NTM: variants seen among roughly 807,000 people sequenced by gnomAD.
The protein encoded by NTM is neurotrimin, also known as IgLON family member 2.
In NTM, 13 loss-of-function variants were observed where a neutral mutation model predicts 42.1. The ratio of observed to expected loss-of-function variants is 0.31; its 90% CI spans 0.20 to 0.49. The LOEUF (loss-of-function observed/expected upper bound fraction) is 0.49, where lower values mean the gene tolerates loss of function less well. NTM is among the 20% of genes least tolerant of loss of function. NTM has a pLI of 0.99. For missense variants in NTM, 373 were observed against 452.8 expected, an observed-to-expected ratio of 0.82 and a Z score of 1.60; for synonymous variants, 187 against 179.2, an observed-to-expected ratio of 1.04 and a Z score of -0.35.
At chr11:131,821,575 T>C (rs957362013) in intron 1 of NTM, among the ~76,000 whole-genome samples, 1 of 152,254 alleles carries the variant, frequency 6.6e-6, no homozygotes, top group Non-Finnish European at 1.5e-5. Context: ...TGATTGTACA[T>C]ACCTTTCAGA....
In NTM at chr11:131,685,182, A is replaced by G. The variant is rs541628149; in HGVS notation, c.83-226382A>G. Among the ~76,000 whole-genome samples, 847 of 152,370 alleles carry G rather than the reference A, an allele frequency of 5.6e-3. 10 individuals carry two copies. Among genetic ancestry groups the G allele is most frequent in the African/African-American group, 0.019 (792 of 41,598 alleles). On this transcript the variant is annotated intron_variant, in intron 1 of 8. Transcript: ENST00000683400. ...CCCTTTGAGATCCTTGCAGAAGCCC[A>G]GCAGTTGGGCCCTTGACAAGAACAA...
chr11:131,539,714 T>C (rs1391433499), intron 1 of NTM: 3 of 152,452 alleles, frequency 2.0e-5, no homozygotes, highest in Non-Finnish European at 4.4e-5. Context: ...AGAGACCCTG[T>C]GGAATGAATA....
intron 4 of NTM, among the ~76,000 whole-genome samples, chr11:132,246,323 A>C (rs1044956889): frequency 2.0e-5 from 3 of 152,172 alleles, no homozygotes; most frequent in African/African-American, 7.2e-5. Flanking sequence ...AGTGAAAGTC[A>C]AACAGTTCGT....
At chr11:131,955,765 C>G (rs1199839745) in intron 2 of NTM, among the ~76,000 whole-genome samples, 1 of 151,910 alleles carries the variant, frequency 6.6e-6, no homozygotes, top group Admixed American at 6.6e-5. Flanking sequence ...CCAGTGCCCC[C>G]ACCAGGGACT....
At chr11:132,114,028 G>A (rs1289106568) in intron 2 of NTM, among the ~76,000 whole-genome samples, 1 of 151,836 alleles carries the variant, frequency 6.6e-6, no homozygotes, top group Non-Finnish European at 1.5e-5. Context: ...TTTTCATATT[G>A]TACAGTTGAA....
chr11:132,194,677 A>G (rs910206243), intron 3 of NTM, among the ~76,000 whole-genome samples: 5 of 152,060 alleles, frequency 3.3e-5, no homozygotes, highest in Non-Finnish European at 5.9e-5. Context: ...AAGTCAAACT[A>G]TCTCTCTTCA....
chr11:131,908,875 TACAA>T (rs771026615), intron 1 of NTM, among the ~76,000 whole-genome samples: 23 of 152,334 alleles, frequency 1.5e-4, no homozygotes, highest in African/African-American at 3.1e-4. Flanking sequence ...CTTTCAAAAA[TACAA>T]ACAAAGATCT....
intron 1 of NTM, among the ~76,000 whole-genome samples, chr11:131,630,832 G>T (rs1373313272): frequency 6.6e-6 from 1 of 152,104 alleles, no homozygotes; most frequent in Non-Finnish European, 1.5e-5. Flanking sequence ...CATACTACAT[G>T]AAATTTTAAC....
At chr11:132,084,795 T>A (rs1486562978) in intron 2 of NTM, among the ~76,000 whole-genome samples, 1 of 152,244 alleles carries the variant, frequency 6.6e-6, no homozygotes, top group Non-Finnish European at 1.5e-5. Context: ...CATTATCTTT[T>A]ACTATTACAT....
chr11:132,279,152 C>T (rs776933189), intron 4 of NTM, among the ~76,000 whole-genome samples: 20 of 152,160 alleles, frequency 1.3e-4, no homozygotes, highest in Non-Finnish European at 2.4e-4. Flanking sequence ...ATTTTAGATG[C>T]CTTCTTTTTA....
chr11:132,046,268 T>A (rs1285252749), intron 2 of NTM, among the ~76,000 whole-genome samples: 2 of 152,138 alleles, frequency 1.3e-5, no homozygotes, highest in Non-Finnish European at 2.9e-5. Context: ...ATTGCTATCA[T>A]CCTGAGCTCT....
chr11:131,407,944 C>T (rs1045475104), intron 1 of NTM, among the ~76,000 whole-genome samples: 2 of 152,220 alleles, frequency 1.3e-5, no homozygotes, highest in African/African-American at 4.8e-5. Context: ...TTAATAGTTT[C>T]GTGGATGGTA....
intron 1 of NTM, among the ~76,000 whole-genome samples, chr11:131,436,977 C>T (rs529009507): frequency 1.3e-5 from 2 of 152,114 alleles, no homozygotes; most frequent in Non-Finnish European, 2.9e-5. Flanking sequence ...GATTCAGGTA[C>T]GTTGTGTCTT....
At chr11:131,405,375 T>C (rs1241535622) in intron 1 of NTM, among the ~76,000 whole-genome samples, 1 of 152,132 alleles carries the variant, frequency 6.6e-6, no homozygotes, top group Non-Finnish European at 1.5e-5. Context: ...TGAGAGGCTG[T>C]TTTTCCCTGA....
At chr11:132,239,010 C>G (rs1260943899) in intron 4 of NTM, among the ~76,000 whole-genome samples, 1 of 152,140 alleles carries the variant, frequency 6.6e-6, no homozygotes, top group African/African-American at 2.4e-5. Flanking sequence ...AAATGAATTC[C>G]TTTTGCTCCA....
chr11:131,455,562 A>G (rs1020912111), intron 1 of NTM: 3 of 152,322 alleles, frequency 2.0e-5, no homozygotes, highest in Non-Finnish European at 4.4e-5. Flanking sequence ...AGGGTCTCGA[A>G]AAGCTTAGGG....
In NTM at chr11:131,401,812, A is replaced by ATATATATATATATATATG. The variant is rs1565465190; in HGVS notation, c.82+30941_82+30942insGTATATATATATATATAT. The stretch of plus-strand genomic sequence containing the variant: ...CAGGCCACTGGAAATATATATATAT[A>ATATATATATATATATATG]TATATATATATATATATATATATAT... On this transcript the variant is annotated intron_variant, in intron 1 of 8. Coordinates refer to ENST00000683400, the MANE Select transcript of NTM (RefSeq NM_001352005.2). Among the ~76,000 whole-genome samples, 2 of 21,630 alleles carry ATATATATATATATATATG rather than the reference A, an allele frequency of 9.2e-5. 1 individual carries two copies. The highest frequency in any genetic ancestry group is 1.2e-3 in the Admixed American group (2 of 1,662). The allele number at this position is 21,630 out of a possible 152,430, so 14.2% of individuals were successfully genotyped here.
intron 2 of NTM, among the ~76,000 whole-genome samples, chr11:132,054,993 GGTGT>G (rs1159616531): frequency 6.6e-6 from 1 of 152,176 alleles, no homozygotes; most frequent in African/African-American, 2.4e-5. Context: ...CCAAGGGCTT[GGTGT>G]GAGGTTGCAG....
At chr11:131,992,188 TTTA>T (rs2067147242) in intron 2 of NTM, among the ~76,000 whole-genome samples, 1 of 152,078 alleles carries the variant, frequency 6.6e-6, no homozygotes, top group Non-Finnish European at 1.5e-5. Context: ...GATGAAGAGT[TTTA>T]TGATGATTAA....
Sources: gnomAD v4.1 joint callset for allele counts (sites outside exome capture counted in the v4.1 genomes callset) on GRCh38, gnomAD v4.1.1 for gene constraint, MANE v1.5 for transcripts, NCBI Gene and HGNC (gene_info 2026-07-23, HGNC 2026-07-21) for gene names.